GALNT13: variants seen among roughly 807,000 people sequenced by gnomAD.
GALNT13 encodes UDP-GalNAc:polypeptide N-acetylgalactosaminyltransferase 13.
A neutral mutation model predicts 64.2 loss-of-function variants in GALNT13; 28 were observed. The ratio of observed to expected loss-of-function variants is 0.44; its 90% CI spans 0.32 to 0.60. GALNT13 has a LOEUF of 0.60. Among genes scored for constraint, GALNT13 ranks in the 20% least tolerant of loss-of-function variants. The pLI, the probability that GALNT13 is intolerant of heterozygous loss-of-function variation, is 0.05. For synonymous variants in GALNT13, 214 were observed against 224.6 expected, an observed-to-expected ratio of 0.95 and a Z score of 0.42; for missense variants, 577 against 669.8, an observed-to-expected ratio of 0.86 and a Z score of 1.53.
chr2:154,230,506 C>A (rs529766720), intron 4 of GALNT13, among the ~76,000 whole-genome samples: 7 of 152,086 alleles, frequency 4.6e-5, no homozygotes, highest in East Asian at 1.9e-4. Context: ...CAAGAGAGTT[C>A]TTCACAATAG....
At chr2:154,282,913 A>G (rs955216925) in intron 8 of GALNT13, among the ~76,000 whole-genome samples, 1 of 152,196 alleles carries the variant, frequency 6.6e-6, no homozygotes, top group Non-Finnish European at 1.5e-5. Flanking sequence ...AGTTAAAAAT[A>G]GGTCAAGAGT....
At chr2:153,552,135 T>C in the GALNT13 span, among the ~76,000 whole-genome samples, 1 of 152,160 alleles carries the variant, frequency 6.6e-6, no homozygotes, top group African/African-American at 2.4e-5. Context: ...TTTAGCAACA[T>C]GCAGACTATT....
At chr2:153,790,128 A>G in the GALNT13 span, among the ~76,000 whole-genome samples, 2 of 152,156 alleles carry the variant, frequency 1.3e-5, no homozygotes, top group Non-Finnish European at 2.9e-5. Context: ...GAGACAAAAC[A>G]AAAAAGAAAA....
At chr2:154,241,854 A>G (rs554913409) in intron 4 of GALNT13, among the ~76,000 whole-genome samples, 176 bp from the exon 5 acceptor site, 7 of 152,354 alleles carry the variant, frequency 4.6e-5, no homozygotes, top group African/African-American at 1.4e-4. Flanking sequence ...AATTTTCAGA[A>G]TGCCAACTGA....
the GALNT13 span, among the ~76,000 whole-genome samples, chr2:153,206,069 G>A: frequency 6.6e-6 from 1 of 151,748 alleles, no homozygotes; most frequent in Non-Finnish European, 1.5e-5. Context: ...GAAAAAAAAA[G>A]AAAGAATAGT....
At chr2:153,819,782 A>G in the GALNT13 span, among the ~76,000 whole-genome samples, 7 of 152,342 alleles carry the variant, frequency 4.6e-5, no homozygotes, top group South Asian at 1.5e-3. Flanking sequence ...AGCAAAGCCA[A>G]AGATCCTGCC....
intron 3 of GALNT13, among the ~76,000 whole-genome samples, chr2:154,098,491 T>C (rs977077221): frequency 1.3e-5 from 2 of 152,148 alleles, no homozygotes; most frequent in African/African-American, 4.8e-5. Flanking sequence ...ATGTGCATGT[T>C]TATTACATGG....
the GALNT13 span, among the ~76,000 whole-genome samples, chr2:153,180,976 T>G: frequency 6.6e-6 from 1 of 150,888 alleles, no homozygotes; most frequent in Non-Finnish European, 1.5e-5. Context: ...TGCATTGATC[T>G]TTTTTATTAT....
the GALNT13 span, among the ~76,000 whole-genome samples, chr2:153,443,101 A>G: frequency 6.6e-6 from 1 of 152,106 alleles, no homozygotes; most frequent in East Asian, 1.9e-4. Context: ...TGTCTGAAAA[A>G]AAACTCTTGC....
chr2:153,156,410 A>G, the GALNT13 span, among the ~76,000 whole-genome samples: 2 of 152,288 alleles, frequency 1.3e-5, no homozygotes, highest in African/African-American at 2.4e-5. Flanking sequence ...CTCAGTACAT[A>G]TGTCTCTGAC....
At chr2:153,220,733 G>A in the GALNT13 span, among the ~76,000 whole-genome samples, 1 of 152,080 alleles carries the variant, frequency 6.6e-6, no homozygotes, top group Non-Finnish European at 1.5e-5. Context: ...CTGCACATAG[G>A]CTAAGAGAAG....
the GALNT13 span, among the ~76,000 whole-genome samples, chr2:153,115,460 A>T: frequency 1.3e-5 from 2 of 152,150 alleles, no homozygotes; most frequent in African/African-American, 4.8e-5. Flanking sequence ...GCTTTTTCTC[A>T]TGTTTTCACT....
chr2:153,415,832 T>G, the GALNT13 span, among the ~76,000 whole-genome samples: 1 of 152,216 alleles, frequency 6.6e-6, no homozygotes, highest in Non-Finnish European at 1.5e-5. Context: ...CTCTGTCTAT[T>G]GTCAATCTAA....
chr2:153,927,662 A>G (rs1690242136), intron 2 of GALNT13, among the ~76,000 whole-genome samples: 1 of 151,988 alleles, frequency 6.6e-6, no homozygotes, highest in African/African-American at 2.4e-5. Flanking sequence ...AGAGTATTCA[A>G]TATTTGGAAT....
the GALNT13 span, among the ~76,000 whole-genome samples, chr2:153,212,442 G>A: frequency 7.2e-5 from 11 of 152,202 alleles, no homozygotes; most frequent in Non-Finnish European, 1.3e-4. Context: ...TATCAATTAA[G>A]TCAAAGGAGC....
At chr2:153,637,886 T>C in the GALNT13 span, among the ~76,000 whole-genome samples, 1 of 151,356 alleles carries the variant, frequency 6.6e-6, no homozygotes, top group Non-Finnish European at 1.5e-5. Context: ...ACTATGTTTA[T>C]TCATTTATTT....
the GALNT13 span, among the ~76,000 whole-genome samples, chr2:153,536,022 G>A: frequency 1.2e-4 from 18 of 152,170 alleles, no homozygotes; most frequent in Admixed American, 2.6e-4. Context: ...GGCATGTTGA[G>A]TAAAACTAAT....
chr2:154,260,627 C>A (rs1305167857), intron 8 of GALNT13, among the ~76,000 whole-genome samples: 6 of 152,094 alleles, frequency 3.9e-5, no homozygotes, highest in Non-Finnish European at 8.8e-5. Context: ...GCCTTCAGGT[C>A]CATGGACAGT....
chr2:153,668,788 G>A, the GALNT13 span, among the ~76,000 whole-genome samples: 1 of 152,168 alleles, frequency 6.6e-6, no homozygotes, highest in East Asian at 1.9e-4. Context: ...GAGATGGCAA[G>A]GAGAGCTTCT....
Sources: allele counts gnomAD v4.1 joint callset (sites outside exome capture counted in the v4.1 genomes callset), GRCh38; gene constraint gnomAD v4.1.1; transcripts MANE v1.5; gene names NCBI Gene and HGNC (gene_info 2026-07-23, HGNC 2026-07-21).